The following EDAR variants were observed in gnomAD, a reference collection of about 807,000 sequenced individuals.
EDAR encodes the protein tumor necrosis factor receptor superfamily member EDAR.
A neutral mutation model predicts 51.3 loss-of-function variants in EDAR; 38 were observed. The observed-to-expected ratio is 0.74, with a 90% CI of 0.57 to 0.97. The LOEUF (loss-of-function observed/expected upper bound fraction) is 0.97, where lower values mean the gene tolerates loss of function less well. Ranked by LOEUF, EDAR falls within the 50% of genes least tolerant of loss-of-function variation. The probability of loss-of-function intolerance (pLI) is 0.00; values close to 1 mark genes in which losing one functional copy is unlikely to be tolerated. For synonymous variants in EDAR, 227 were observed against 242.1 expected (o/e 0.94, Z 0.58); for missense variants, 528 against 595.0 (o/e 0.89, Z 1.17).
rs762832094 is a variant in EDAR, at chr2:108,912,765, C to A, written c.443-1G>T. On this transcript the variant is annotated splice_acceptor_variant, in intron 5 of 11. Coordinates refer to ENST00000258443, the MANE Select transcript of EDAR (RefSeq NM_022336.4). LOFTEE classifies it high-confidence loss of function. Reference sequence around the variant, plus strand: ...GAAGCTCCTGAAGTGGCTCCCACACCTGCAAGGAAAATAGAGTCCCTCAAA... The same window carrying A: ...GAAGCTCCTGAAGTGGCTCCCACACATGCAAGGAAAATAGAGTCCCTCAAA... The A allele has an allele frequency of 6.3e-7, 1 of 1,588,678 alleles. No homozygotes were observed. Among genetic ancestry groups the A allele is most frequent in the South Asian group, 1.2e-5 (1 of 86,718 alleles).
chr2:108,929,377 G>A lies in EDAR; in HGVS notation c.177C>T (p.Ser59=). 2 of 1,614,092 alleles carry A rather than the reference G, an allele frequency of 1.2e-6. No homozygotes were observed. The highest frequency in any genetic ancestry group is 1.6e-4 in the Middle Eastern group (1 of 6,062). ...CCTCGTCTTTGGTGCCGTAGCCACA[G>A]GACTGTCCAGGGAAAGAGGACAGGG... ...PCGPGEEPYL[S]CGYGTKDEDY... Residue 59 remains serine, a splice_region_variant and synonymous_variant, in exon 4 of 12, where the codon TCC becomes TCT. Transcript: ENST00000258443.
chr2:108,968,075 T>C (rs1698178168), intron 1 of EDAR, among the ~76,000 whole-genome samples: 1 of 152,178 alleles, frequency 6.6e-6, no homozygotes, highest in Non-Finnish European at 1.5e-5. Flanking sequence ...TCCCAGGCCC[T>C]GGGATGGAGC....
intron 5 of EDAR, among the ~76,000 whole-genome samples, chr2:108,914,685 T>G (rs1230188020): frequency 2.0e-5 from 3 of 152,200 alleles, no homozygotes; most frequent in African/African-American, 4.8e-5. Context: ...CCAACATGCT[T>G]CAAATGCATC....
At chr2:108,955,655 G>A (rs1316955666) in intron 1 of EDAR, among the ~76,000 whole-genome samples, 5 of 151,354 alleles carry the variant, frequency 3.3e-5, no homozygotes, top group African/African-American at 1.2e-4. Context: ...GCAGTGAGCC[G>A]AGATCACACC....
Position 108,954,137 on chromosome 2 carries a change from C to T in EDAR, c.-18-23105G>A, listed in dbSNP as rs149984036. 6.6e-5 allele frequency among the ~76,000 whole-genome samples: 10 copies of T among 152,280 alleles called. No homozygotes were observed. The East Asian group carries it at 1.4e-3, about 21-fold the overall frequency. ...CGCACCTTATCCACCAATTCCCTCA[C>T]CACCTTCTTATAAAATCCTGCAGTT... On this transcript the variant is annotated intron_variant, in intron 1 of 11. Transcript: ENST00000258443.
intron 1 of EDAR, among the ~76,000 whole-genome samples, chr2:108,940,522 C>G (rs1018639676): frequency 6.6e-6 from 1 of 152,244 alleles, no homozygotes; most frequent in Non-Finnish European, 1.5e-5. Flanking sequence ...GTACTCTGGG[C>G]TCCCCTGGGC....
chr2:108,974,519 C>T (rs1461400607), intron 1 of EDAR, among the ~76,000 whole-genome samples: 1 of 151,696 alleles, frequency 6.6e-6, no homozygotes, highest in Non-Finnish European at 1.5e-5. Context: ...ATCACCAGGT[C>T]AGGAGTTGGA....
intron 1 of EDAR, among the ~76,000 whole-genome samples, chr2:108,933,627 C>T (rs1458151988): frequency 1.3e-5 from 2 of 152,210 alleles, no homozygotes; most frequent in African/African-American, 2.4e-5. Flanking sequence ...CCACACACTG[C>T]CTGCACTTTA....
intron 1 of EDAR, chr2:108,940,357 T>C (rs1450118037): frequency 6.6e-6 from 1 of 152,340 alleles, no homozygotes; most frequent in African/African-American, 2.4e-5. Flanking sequence ...AGGGAGGACG[T>C]ATGGGGGCTG....
At chr2:108,937,674 A>T (rs1354226663) in intron 1 of EDAR, among the ~76,000 whole-genome samples, 1 of 151,200 alleles carries the variant, frequency 6.6e-6, no homozygotes, top group East Asian at 1.9e-4. Context: ...ATGTGTGAGT[A>T]TAAGTGTATG....
rs547836797 is a variant in EDAR, at chr2:108,936,076, C to T, written c.-18-5044G>A. 2.0e-5 allele frequency among the ~76,000 whole-genome samples: 3 copies of T among 152,234 alleles called. No homozygotes were observed. The South Asian group carries it at 6.2e-4, about 32-fold the overall frequency. ...GAAGCAGAGTCACTGCCTCGGCTGGCAGATGGTCCAGCCTCCGGGACTTCC... is the reference window on the plus strand; with the variant it reads ...GAAGCAGAGTCACTGCCTCGGCTGGTAGATGGTCCAGCCTCCGGGACTTCC... On this transcript the variant is annotated intron_variant, in intron 1 of 11. Coordinates refer to ENST00000258443, the MANE Select transcript of EDAR (RefSeq NM_022336.4).
chr2:108,913,718 G>T (rs1161644459), intron 5 of EDAR, among the ~76,000 whole-genome samples: 1 of 152,060 alleles, frequency 6.6e-6, no homozygotes, highest in African/African-American at 2.4e-5. Context: ...AGAAGGACAA[G>T]AGGTGGCGGA....
chr2:108,898,246 A>G (rs527434889), intron 11 of EDAR, among the ~76,000 whole-genome samples: 2 of 152,300 alleles, frequency 1.3e-5, no homozygotes, highest in South Asian at 4.1e-4. Context: ...GGTGTCAGGA[A>G]AGGCCATGTA....
intron 6 of EDAR, among the ~76,000 whole-genome samples, chr2:108,912,442 C>CT (rs1307067584): frequency 6.6e-6 from 1 of 152,208 alleles, no homozygotes; most frequent in Non-Finnish European, 1.5e-5. Flanking sequence ...ATGCCCCCGC[C>CT]TTCACCACCA....
chr2:108,984,012 A>C lies in EDAR; in HGVS notation c.-19+4948T>G, dbSNP rs922120622. Among the ~76,000 whole-genome samples the C allele has an allele frequency of 2.0e-5, 3 of 152,198 alleles. No homozygotes were observed. The East Asian group carries it at 5.8e-4, about 29-fold the overall frequency. ...GGGGGCGACGGCGATGTCTGTTGCT[A>C]AGTGTTCTTTCTCTGCACAACTTAT... is the stretch of plus-strand genomic sequence containing the variant. On this transcript the variant is annotated intron_variant, in intron 1 of 11. Transcript: ENST00000258443.
chr2:108,910,978 G>C lies in EDAR; in HGVS notation c.624C>G (p.Phe208Leu), dbSNP rs1316524367. The C allele has an allele frequency of 6.2e-7, 1 of 1,614,168 alleles. No homozygotes were observed. Among genetic ancestry groups the C allele is most frequent in the Non-Finnish European group, 8.5e-7 (1 of 1,180,022 alleles). ...CAGAGGGCTTTGTCTTCAGGATGTA[G>C]AACATGATGATGAGGACGATGGCGA... The part of the protein sequence containing the change: ...MAIAIVLIIM[F>L]YILKTKPSAP... The change falls in exon 7 of 12, where the codon TTC (phenylalanine) becomes TTG (leucine). Residue 208 changes from phenylalanine (F) to leucine (L), a missense_variant. Phe to Leu is a conservative substitution (Grantham distance 22). Transcript: ENST00000258443.
intron 1 of EDAR, among the ~76,000 whole-genome samples, chr2:108,985,624 C>T (rs1233249137): frequency 2.6e-5 from 4 of 152,178 alleles, no homozygotes; most frequent in African/African-American, 9.7e-5. Flanking sequence ...AGCAGGACCT[C>T]CAGCTTCACC....
intron 1 of EDAR, among the ~76,000 whole-genome samples, chr2:108,984,731 C>T (rs937305111): frequency 6.6e-6 from 1 of 152,036 alleles, no homozygotes; most frequent in South Asian, 2.1e-4. Flanking sequence ...TATAGCTTCT[C>T]TCCCTGCAGC....
At chr2:108,916,048 G>A (rs1697022739) in intron 5 of EDAR, among the ~76,000 whole-genome samples, 1 of 152,178 alleles carries the variant, frequency 6.6e-6, no homozygotes, top group East Asian at 1.9e-4. Context: ...AGTGTGATAA[G>A]GAGGCTTCAG....
Sources: gnomAD v4.1 joint callset for allele counts (sites outside exome capture counted in the v4.1 genomes callset) on GRCh38, gnomAD v4.1.1 for gene constraint, MANE v1.5 for transcripts, NCBI Gene and HGNC (gene_info 2026-07-23, HGNC 2026-07-21) for gene names.